The following CADPS variants were observed in gnomAD, a reference collection of about 807,000 sequenced individuals.
CADPS encodes calcium-dependent secretion activator 1.
CADPS carries 57 observed loss-of-function variants against 167.3 expected under a neutral mutation model. The observed-to-expected ratio is 0.34, with a 90% confidence interval of 0.28 to 0.42. CADPS has a LOEUF of 0.42. CADPS is among the 20% of genes least tolerant of loss of function. CADPS has a pLI of 1.00. For synonymous variants in CADPS, 676 were observed against 635.3 expected (o/e 1.06, Z -0.96); for missense variants, 1,414 against 1,738.1 (o/e 0.81, Z 3.32).
chr3:62,418,324 CTTTTTT>C (rs1227861106), intron 28 of CADPS, among the ~76,000 whole-genome samples: 1 of 115,082 alleles, frequency 8.7e-6, no homozygotes, highest in African/African-American at 3.6e-5. Flanking sequence ...TTTTTTCTCT[CTTTTTT>C]TTTTTTTTTT....
At chr3:62,628,244 C>G (rs1366123461) in intron 6 of CADPS, among the ~76,000 whole-genome samples, 3 of 152,142 alleles carry the variant, frequency 2.0e-5, no homozygotes, top group African/African-American at 7.2e-5. Context: ...CAGTCACTGG[C>G]TGGGGGCCTT....
chr3:62,664,692 A>T (rs1038882459), intron 3 of CADPS, among the ~76,000 whole-genome samples: 10 of 152,240 alleles, frequency 6.6e-5, no homozygotes, highest in African/African-American at 2.4e-4. Flanking sequence ...GTTGGTTAAG[A>T]GCCAAATGAT....
intron 3 of CADPS, among the ~76,000 whole-genome samples, chr3:62,717,367 T>C (rs962693080): frequency 2.6e-5 from 4 of 152,182 alleles, no homozygotes; most frequent in Non-Finnish European, 5.9e-5. Flanking sequence ...CCCAATCATA[T>C]CTTTGGTCCT....
intron 8 of CADPS, among the ~76,000 whole-genome samples, chr3:62,583,155 G>GTCTCTCTCTCTCTCTCTC (rs61474581): frequency 2.0e-5 from 3 of 147,298 alleles, no homozygotes; most frequent in East Asian, 4.1e-4. Context: ...TACCCTCTTT[G>GTCTCTCTCTCTCTCTCTC]TCTCTCTCTC....
At chr3:62,651,669 G>A (rs556386326) in intron 4 of CADPS, among the ~76,000 whole-genome samples, 1 of 152,218 alleles carries the variant, frequency 6.6e-6, no homozygotes, top group Non-Finnish European at 1.5e-5. Flanking sequence ...GAGCAATTTG[G>A]TATCATAACT....
At chr3:62,782,315 T>A (rs1337481112) in intron 1 of CADPS, among the ~76,000 whole-genome samples, 1 of 152,154 alleles carries the variant, frequency 6.6e-6, no homozygotes, top group Non-Finnish European at 1.5e-5. Context: ...AGCGAGCCAC[T>A]CATGCACACA....
At chr3:62,621,613 G>T (rs2063176971) in intron 6 of CADPS, among the ~76,000 whole-genome samples, 1 of 151,920 alleles carries the variant, frequency 6.6e-6, no homozygotes, top group African/African-American at 2.4e-5. Context: ...TTAAGTTCAG[G>T]GGTATATGTT....
At chr3:62,812,345 G>A (rs2094429928) in intron 1 of CADPS, among the ~76,000 whole-genome samples, 1 of 152,166 alleles carries the variant, frequency 6.6e-6, no homozygotes, top group Non-Finnish European at 1.5e-5. Flanking sequence ...TGGCCTTCAA[G>A]TGAGGTGACA....
At chr3:62,613,404 G>C (rs999220418) in intron 6 of CADPS, among the ~76,000 whole-genome samples, 4 of 152,066 alleles carry the variant, frequency 2.6e-5, no homozygotes, top group African/African-American at 9.7e-5. Context: ...GAGGAAGAAG[G>C]GTCGTCCTCA....
rs2084293418 is a variant in CADPS at position 62,585,039 on chromosome 3, T to C, written c.1577+146A>G. The C allele has an allele frequency of 7.9e-6, 6 of 758,960 alleles. No individual in the cohort carries two copies. The East Asian group carries it at 1.7e-4, about 21-fold the overall frequency. The allele number at this position is 758,960 out of a possible 1,614,324, so 47.0% of individuals were successfully genotyped here. A position where few individuals can be genotyped will look rare whatever the true frequency, so the allele number is the denominator to read the frequency against. On this transcript the variant is annotated intron_variant, in intron 8 of 29. Transcript: ENST00000383710. The stretch of plus-strand genomic sequence containing the variant: ...TCCTAAGAATTGAGGAAGTTTACAG[T>C]AAATATCAAAGTCGAATATTTTAAT...
intron 3 of CADPS, among the ~76,000 whole-genome samples, chr3:62,675,311 T>C (rs1248427224): frequency 2.0e-5 from 3 of 152,148 alleles, no homozygotes; most frequent in Non-Finnish European, 4.4e-5. Flanking sequence ...TTAGTGTGTC[T>C]GCCTCAAAAA....
At chr3:62,733,161 T>C (rs547820705) in intron 3 of CADPS, among the ~76,000 whole-genome samples, 1 of 152,314 alleles carries the variant, frequency 6.6e-6, no homozygotes, top group African/African-American at 2.4e-5. Context: ...CCTAACTCAT[T>C]ACTCTGTATG....
rs568070760 is a variant in CADPS, at chr3:62,645,706, G to T, written c.1325+16C>A. 1 of 1,613,458 alleles carries T rather than the reference G, an allele frequency of 6.2e-7. No individual in the cohort carries two copies. Among genetic ancestry groups the T allele is most frequent in the East Asian group, 2.2e-5 (1 of 44,846 alleles). ...GCAACCCTCTATAAGATGGACCCTGGAGAAACATAACTTACGTTGGTTTAG... is the reference window on the plus strand; with the variant it reads ...GCAACCCTCTATAAGATGGACCCTGTAGAAACATAACTTACGTTGGTTTAG... On this transcript the variant is annotated intron_variant, in intron 6 of 29. Transcript: ENST00000383710.
In CADPS at chr3:62,438,286, C is replaced by A; in HGVS notation, c.3670-75G>T. 1 of 1,067,206 alleles carries A rather than the reference C, an allele frequency of 9.4e-7. No homozygotes were observed. The highest frequency in any genetic ancestry group is 1.4e-6 in the Non-Finnish European group (1 of 696,630). The allele number at this position is 1,067,206 out of a possible 1,614,324, so 66.1% of individuals were successfully genotyped here. A position where few individuals can be genotyped will look rare whatever the true frequency, so the allele number is the denominator to read the frequency against. ...TCCTTGTTTACCATTCACTTGTACCCTCTACTTGCCCTCACACACCCTGAG... is the reference window on the plus strand; with the variant it reads ...TCCTTGTTTACCATTCACTTGTACCATCTACTTGCCCTCACACACCCTGAG... On this transcript the variant is annotated intron_variant, in intron 27 of 29. Coordinates refer to ENST00000383710, the MANE Select transcript of CADPS (RefSeq NM_003716.4). This position sits in a 1 kb window ranked among gnomAD's most constrained non-coding sequence, Gnocchi z 4.7.
intron 6 of CADPS, among the ~76,000 whole-genome samples, chr3:62,613,986 G>A (rs887019016): frequency 3.9e-5 from 6 of 152,134 alleles, no homozygotes; most frequent in African/African-American, 1.4e-4. Flanking sequence ...ATGACCCTGA[G>A]AGAGTGCTCC....
In CADPS at chr3:62,458,499, T is replaced by A. The variant is rs1361613736; in HGVS notation, c.3636+6868A>T. ...TCATTAGGTATTTCTTTTTTCTTTT[T>A]CTTTTTTGAGACGGAGTCTGGCTCT... On this transcript the variant is annotated intron_variant, in intron 26 of 29. Coordinates refer to ENST00000383710, the MANE Select transcript of CADPS (RefSeq NM_003716.4). The surrounding 1 kb of genome is among the most constrained non-coding windows in gnomAD (Gnocchi z 4.6). Among the ~76,000 whole-genome samples, 2 of 151,902 alleles carry A rather than the reference T, an allele frequency of 1.3e-5. No homozygotes were observed. The highest frequency in any genetic ancestry group is 2.9e-5 in the Non-Finnish European group (2 of 68,024).
At chr3:62,656,723 A>G (rs1421517179) in intron 4 of CADPS, among the ~76,000 whole-genome samples, 1 of 152,174 alleles carries the variant, frequency 6.6e-6, no homozygotes, top group Non-Finnish European at 1.5e-5. Context: ...TAAATGAGAG[A>G]AAGAGGTCTT....
At chr3:62,649,325 T>C (rs1192319517) in intron 5 of CADPS, among the ~76,000 whole-genome samples, 1 of 152,144 alleles carries the variant, frequency 6.6e-6, no homozygotes, top group African/African-American at 2.4e-5. Context: ...ACATATCATA[T>C]AATAAACCCA....
chr3:62,645,878 G>T (rs4588354), intron 5 of CADPS, 35 bp from the exon 6 acceptor site: 1,184,584 of 1,610,976 alleles, frequency 0.74, 441,873 homozygotes, highest in East Asian at 0.93. Flanking sequence ...GAGGTTATTG[G>T]CAAGGCCCCT....
Sources: gnomAD v4.1 joint callset for allele counts (sites outside exome capture counted in the v4.1 genomes callset) on GRCh38, gnomAD v4.1.1 for gene constraint, Gnocchi (gnomAD v3.1) non-coding constraint, MANE v1.5 for transcripts, NCBI Gene and HGNC (gene_info 2026-07-23, HGNC 2026-07-21) for gene names.